The following ATXN7 variants were observed in gnomAD, a reference collection of about 807,000 sequenced individuals.
ATXN7 encodes the protein ataxin 7.
Under a neutral mutation model 70.5 loss-of-function variants are expected in ATXN7, and 12 were observed. The observed-to-expected ratio is 0.17, with a 90% CI of 0.11 to 0.28. The LOEUF is 0.28. ATXN7 is among the 10% of genes least tolerant of loss of function. The pLI is 1.00. For synonymous variants in ATXN7, 498 were observed against 448.7 expected (o/e 1.11, Z -1.39); for missense variants, 1,256 against 1,131.7 (o/e 1.11, Z -1.58).
At chr3:63,914,689 C>T (rs2107302944) in intron 4 of ATXN7, among the ~76,000 whole-genome samples, 1 of 152,198 alleles carries the variant, frequency 6.6e-6, no homozygotes, top group Non-Finnish European at 1.5e-5. Context: ...TGTGTGAAAA[C>T]AAGATTGTAA....
chr3:63,990,757 G>T lies in ATXN7; in HGVS notation c.1580G>T (p.Arg527Leu), dbSNP rs201198489. The T allele has an allele frequency of 6.2e-7, 1 of 1,614,094 alleles. No homozygotes were observed. The highest frequency in any genetic ancestry group is 1.1e-5 in the South Asian group (1 of 91,070). Reference sequence around the variant, plus strand: ...TTGCAGTTTTGCACATTTGGGAGCCGGCAGATAGGAAGAGGCTATTACGTG... The same window carrying T: ...TTGCAGTTTTGCACATTTGGGAGCCTGCAGATAGGAAGAGGCTATTACGTG... ...QPASFCTFGS[R>L]QIGRGYYVFD... The change falls in exon 11 of 13, where the codon CGG (arginine) becomes CTG (leucine). Residue 527 changes from arginine to leucine, a missense_variant. Arg to Leu is a moderately radical substitution (Grantham distance 102). Coordinates refer to ENST00000674280, the MANE Select transcript of ATXN7 (RefSeq NM_001377405.1).
intron 2 of ATXN7, among the ~76,000 whole-genome samples, chr3:63,899,281 C>T (rs1257243358): frequency 1.3e-5 from 2 of 151,756 alleles, no homozygotes; most frequent in Non-Finnish European, 2.9e-5. Flanking sequence ...AGACTGGTCT[C>T]GAACCCCTGA....
chr3:63,929,388 T>C lies in ATXN7; in HGVS notation c.394+16163T>C, dbSNP rs528485603. On this transcript the variant is annotated intron_variant, in intron 4 of 12. Coordinates refer to ENST00000674280, the MANE Select transcript of ATXN7 (RefSeq NM_001377405.1). ...CCCTGTTTCAAGCTATTCTCCTGTC[T>C]CAGCCTCCCAGGTAGCTGGGATTAC... Among the ~76,000 whole-genome samples, 12 of 151,782 alleles carry C rather than the reference T, an allele frequency of 7.9e-5. No homozygotes were observed. The South Asian group carries it at 2.5e-3, about 32-fold the overall frequency.
rs79361506 is a variant in ATXN7 at position 63,952,819 on chromosome 3, A to G, written c.499+336A>G. ...GATTTTAAAATTATATACACTCACAATATGGATGCATGGGCCTTTTTTTTT... is the reference window on the plus strand; with the variant it reads ...GATTTTAAAATTATATACACTCACAGTATGGATGCATGGGCCTTTTTTTTT... On this transcript the variant is annotated intron_variant, in intron 5 of 12. Coordinates refer to ENST00000674280, the MANE Select transcript of ATXN7 (RefSeq NM_001377405.1). Among the ~76,000 whole-genome samples the G allele has an allele frequency of 3.4e-3, 433 of 127,444 alleles. 3 individuals carry two copies. The highest frequency in any genetic ancestry group is 0.013 in the African/African-American group (418 of 31,216). 83.6% of individuals were successfully genotyped at this position (127,444 alleles called of 152,430 possible).
At chr3:63,910,789 T>C (rs1467630954) in intron 2 of ATXN7, among the ~76,000 whole-genome samples, 1 of 152,034 alleles carries the variant, frequency 6.6e-6, no homozygotes. Flanking sequence ...CAGGAAAAAA[T>C]TTTACAGACT....
In ATXN7 at chr3:63,952,428, G is replaced by C. The variant is rs774268576; in HGVS notation, c.444G>C (p.Val148=). 2.5e-6 allele frequency: 4 copies of C among 1,612,496 alleles called. No homozygotes were observed. The African/African-American group carries it at 5.3e-5, about 22-fold the overall frequency. The change falls in exon 5 of 13, where the codon GTG becomes GTC. Residue 148 remains valine (V), a synonymous_variant. Transcript: ENST00000674280. ...CAGCCCATGATGATTTCTACTTGGTGGTGTGTAACGACTGTAATCAGGTTG... is the reference window on the plus strand; with the variant it reads ...CAGCCCATGATGATTTCTACTTGGTCGTGTGTAACGACTGTAATCAGGTTG... ...FCPAHDDFYL[V]VCNDCNQVVK... is the part of the protein sequence containing the mutation.
chr3:63,897,258 T>A (rs1703475406), intron 1 of ATXN7, among the ~76,000 whole-genome samples: 1 of 152,186 alleles, frequency 6.6e-6, no homozygotes, highest in Non-Finnish European at 1.5e-5. Flanking sequence ...GAAAGGAGAC[T>A]GGGAAGGAAT....
In ATXN7 at chr3:63,999,585, C is replaced by T. The variant is rs749950312; in HGVS notation, c.*118C>T. The T allele has an allele frequency of 6.7e-5, 103 of 1,542,034 alleles. No homozygotes were observed. The highest frequency in any genetic ancestry group is 8.6e-5 in the Non-Finnish European group (98 of 1,133,666). ...GTCTGTTTTCCCAACCTCCTGTGGG[C>T]CTCAAGGGTAGAAACCTGCCGGGCT... On this transcript the variant is annotated 3_prime_UTR_variant, in exon 13 of 13. Coordinates refer to ENST00000674280, the MANE Select transcript of ATXN7 (RefSeq NM_001377405.1).
chr3:63,960,508 T>C (rs1344913449), intron 5 of ATXN7, among the ~76,000 whole-genome samples: 2 of 152,062 alleles, frequency 1.3e-5, no homozygotes, highest in African/African-American at 4.8e-5. Context: ...AGGTGAGAGC[T>C]GGATCAGGAG....
chr3:63,923,781 C>G (rs891384988), intron 4 of ATXN7, among the ~76,000 whole-genome samples: 2 of 152,016 alleles, frequency 1.3e-5, no homozygotes, highest in Non-Finnish European at 2.9e-5. Flanking sequence ...GGCAACAGAG[C>G]AAGACCCTGT....
chr3:63,877,569 T>TA (rs1702783707), intron 1 of ATXN7, among the ~76,000 whole-genome samples: 1 of 152,250 alleles, frequency 6.6e-6, no homozygotes, highest in African/African-American at 2.4e-5. Flanking sequence ...CATCTTTTCT[T>TA]AGACAACTGT....
rs1293244004 is a variant in ATXN7, at chr3:63,953,266, AC to A, written c.499+784del. 2.1e-4 allele frequency among the ~76,000 whole-genome samples: 32 copies of A among 152,306 alleles called. No individual in the cohort carries two copies. In the East Asian group the frequency reaches 4.1e-3, roughly 19 times the overall value. On this transcript the variant is annotated intron_variant, in intron 5 of 12. Transcript: ENST00000674280. ...TTTAAAGAAAGCATCTTAGGAGGTG[AC>A]ACTGGAGCTGAGTCCTAAGTGATGA...
At chr3:63,942,725 A>T (rs2074792208) in intron 4 of ATXN7, among the ~76,000 whole-genome samples, 1 of 152,216 alleles carries the variant, frequency 6.6e-6, no homozygotes, top group African/African-American at 2.4e-5. Context: ...TAAAAATAGA[A>T]ATGATTGTAA....
intron 11 of ATXN7, 153 bp downstream of exon 11, chr3:63,991,012 A>T (rs1009203246): frequency 9.0e-7 from 1 of 1,111,432 alleles, no homozygotes; most frequent in African/African-American, 1.6e-5. Flanking sequence ...TCATTCATTC[A>T]TTTACCCCTT....
chr3:63,997,567 C>A, intron 12 of ATXN7: 1 of 1,477,462 alleles, frequency 6.8e-7, no homozygotes, highest in Non-Finnish European at 9.3e-7. Context: ...TTTCTTCCAG[C>A]TTCCTTTGCT....
At chr3:63,863,339 C>T, upstream of ATXN7, 2 of 666,126 alleles carry the variant, frequency 3.0e-6, no homozygotes, top group Non-Finnish European at 3.7e-6. Context: ...TCCAGGCCCC[C>T]AGCCCTAAGC....
intron 9 of ATXN7, among the ~76,000 whole-genome samples, chr3:63,988,814 G>C (rs1004568475): frequency 6.6e-6 from 1 of 152,330 alleles, no homozygotes; most frequent in South Asian, 2.1e-4. Flanking sequence ...TAGTAGCAGA[G>C]TAAACAGTGG....
intron 4 of ATXN7, among the ~76,000 whole-genome samples, chr3:63,939,246 G>C (rs2074714704): frequency 2.0e-5 from 3 of 152,016 alleles, no homozygotes; most frequent in Admixed American, 2.0e-4. Flanking sequence ...GGGAAGCATG[G>C]CATCCTTCTC....
At chr3:63,931,974 A>G (rs528883600) in intron 4 of ATXN7, among the ~76,000 whole-genome samples, 2 of 152,324 alleles carry the variant, frequency 1.3e-5, no homozygotes, top group East Asian at 3.9e-4. Flanking sequence ...CACTTCATGT[A>G]TATGTGCAAA....
Sources: gnomAD v4.1 joint callset for allele counts (sites outside exome capture counted in the v4.1 genomes callset) on GRCh38, gnomAD v4.1.1 for gene constraint, MANE v1.5 for transcripts, NCBI Gene and HGNC (gene_info 2026-07-23, HGNC 2026-07-21) for gene names.